Variants in NAALADL2 observed in about 807,000 individuals in gnomAD.
NAALADL2 encodes N-acetylated alpha-linked acidic dipeptidase like 2, also known as inactive N-acetylated-alpha-linked acidic dipeptidase-like protein 2.
Under a neutral mutation model 87.2 loss-of-function variants are expected in NAALADL2, and 76 were observed. The observed-to-expected ratio is 0.87, with a 90% CI of 0.72 to 1.05. The LOEUF is 1.05. Ranked by LOEUF, NAALADL2 falls within the 50% of genes least tolerant of loss-of-function variation. The pLI, the probability that NAALADL2 is intolerant of heterozygous loss-of-function variation, is 0.00. For synonymous variants in NAALADL2, 354 were observed against 331.0 expected (o/e 1.07, Z -0.75); for missense variants, 1,089 against 945.8 (o/e 1.15, Z -1.99).
At chr3:174,519,177 T>G (rs1369718165) in intron 1 of NAALADL2, among the ~76,000 whole-genome samples, 2 of 152,164 alleles carry the variant, frequency 1.3e-5, no homozygotes, top group African/African-American at 4.8e-5. Flanking sequence ...ATATACAGAT[T>G]TTATGTTCTT....
chr3:174,520,609 G>C (rs1220710557), intron 1 of NAALADL2, among the ~76,000 whole-genome samples: 4 of 152,064 alleles, frequency 2.6e-5, no homozygotes, highest in Non-Finnish European at 1.5e-5. Flanking sequence ...AATTATAGAA[G>C]AAAACCCAGG....
intron 11 of NAALADL2, among the ~76,000 whole-genome samples, chr3:175,691,356 A>G (rs1262678116): frequency 6.6e-6 from 1 of 151,326 alleles, no homozygotes; most frequent in Non-Finnish European, 1.5e-5. Context: ...TTTTGTAGTC[A>G]TAGCTTTTAT....
rs1723453067 is a variant in NAALADL2, at chr3:175,463,390, T to A, written c.1235-11T>A. ...AAAGAAGCAAAAGTCTTTAAATTTT[T>A]ATTTTTTCAGAAATAAGAGTCGTCA... On this transcript the variant is annotated splice_polypyrimidine_tract_variant and intron_variant, in intron 6 of 13. Coordinates refer to ENST00000454872, the MANE Select transcript of NAALADL2 (RefSeq NM_207015.3). 1 of 1,511,036 alleles carries A rather than the reference T, an allele frequency of 6.6e-7. No individual in the cohort carries two copies. Among genetic ancestry groups the A allele is most frequent in the African/African-American group, 1.4e-5 (1 of 71,246 alleles). 93.6% of individuals were successfully genotyped at this position (1,511,036 alleles called of 1,614,324 possible). A position where few individuals can be genotyped will look rare whatever the true frequency, so the allele number is the denominator to read the frequency against.
chr3:175,649,908 AG>A (rs917324970), intron 11 of NAALADL2, among the ~76,000 whole-genome samples: 13 of 152,094 alleles, frequency 8.5e-5, no homozygotes, highest in Admixed American at 3.9e-4. Context: ...TTAACTCTAA[AG>A]AAAAAAAGTT....
intron 5 of NAALADL2, among the ~76,000 whole-genome samples, chr3:175,429,556 T>C (rs1205034317): frequency 6.6e-6 from 1 of 151,970 alleles, no homozygotes; most frequent in Admixed American, 6.6e-5. Context: ...TTGAGTACAA[T>C]TCATTGGCAT....
chr3:174,641,877 C>G (rs1723225873), intron 2 of NAALADL2, among the ~76,000 whole-genome samples: 1 of 152,130 alleles, frequency 6.6e-6, no homozygotes, highest in Admixed American at 6.5e-5. Context: ...CCACCTCAGG[C>G]TCCTGAGGAG....
chr3:175,028,949 G>A (rs958403064), intron 1 of NAALADL2, among the ~76,000 whole-genome samples: 1 of 151,116 alleles, frequency 6.6e-6, no homozygotes, highest in Non-Finnish European at 1.5e-5. Flanking sequence ...GTATATTTTA[G>A]TAGTGTAAAC....
chr3:175,566,682 G>A (rs748798651), intron 9 of NAALADL2, among the ~76,000 whole-genome samples: 35 of 151,896 alleles, frequency 2.3e-4, no homozygotes, highest in Non-Finnish European at 3.2e-4. Context: ...TATAAAAGTC[G>A]CTTTATGTGT....
chr3:175,517,219 A>G (rs1731969412), intron 9 of NAALADL2, among the ~76,000 whole-genome samples: 1 of 152,130 alleles, frequency 6.6e-6, no homozygotes, highest in African/African-American at 2.4e-5. Context: ...TATCTGCTCC[A>G]ATTTATCAGT....
intron 1 of NAALADL2, among the ~76,000 whole-genome samples, chr3:175,067,405 A>C (rs1714722844): frequency 6.6e-6 from 1 of 152,102 alleles, no homozygotes; most frequent in Non-Finnish European, 1.5e-5. Flanking sequence ...CAAGCAAACA[A>C]CAACAACAGA....
intron 2 of NAALADL2, among the ~76,000 whole-genome samples, chr3:175,193,941 C>T (rs772951127): frequency 6.6e-5 from 10 of 151,866 alleles, no homozygotes; most frequent in South Asian, 2.1e-4. Flanking sequence ...TTTTAACAGA[C>T]GAAAATAGAT....
intron 9 of NAALADL2, 110 bp downstream of exon 9, chr3:175,471,868 A>G (rs1280563875): frequency 1.2e-5 from 11 of 929,022 alleles, no homozygotes; most frequent in Non-Finnish European, 1.6e-5. Flanking sequence ...CAAATGTTGT[A>G]TAAGTGTTTT....
chr3:174,984,808 A>C (rs1283142702), intron 1 of NAALADL2, among the ~76,000 whole-genome samples: 1 of 152,214 alleles, frequency 6.6e-6, no homozygotes, highest in East Asian at 1.9e-4. Context: ...TTCAAGAACC[A>C]AGTGAAGGCT....
At chr3:175,354,030 G>A (rs953718774) in intron 5 of NAALADL2, among the ~76,000 whole-genome samples, 1 of 152,084 alleles carries the variant, frequency 6.6e-6, no homozygotes, top group African/African-American at 2.4e-5. Flanking sequence ...ATAAACTTGT[G>A]TACCACTGCA....
At chr3:175,009,003 C>G (rs1381918814) in intron 1 of NAALADL2, among the ~76,000 whole-genome samples, 1 of 152,090 alleles carries the variant, frequency 6.6e-6, no homozygotes, top group Non-Finnish European at 1.5e-5. Flanking sequence ...TCATATTCAT[C>G]TAATATGTAA....
chr3:174,934,736 A>G (rs956774485), intron 1 of NAALADL2, among the ~76,000 whole-genome samples: 2 of 152,168 alleles, frequency 1.3e-5, no homozygotes, highest in African/African-American at 2.4e-5. Flanking sequence ...TGCTCAAACA[A>G]CAACAACAAC....
Position 175,500,406 on chromosome 3 carries a change from GA to G in NAALADL2, c.1653+28650del, listed in dbSNP as rs902232150. 4.6e-5 allele frequency among the ~76,000 whole-genome samples: 7 copies of G among 152,094 alleles called. 1 individual carries two copies. The highest frequency in any genetic ancestry group is 1.7e-4 in the African/African-American group (7 of 41,542). Reference sequence around the variant, plus strand: ...AATCAATAGTAGGCAAAAAGGCACAGAAGTAGAAACATGGATAAGGGCCTTC... The same window carrying G: ...AATCAATAGTAGGCAAAAAGGCACAGAGTAGAAACATGGATAAGGGCCTTC... On this transcript the variant is annotated intron_variant, in intron 9 of 13. Coordinates refer to ENST00000454872, the MANE Select transcript of NAALADL2 (RefSeq NM_207015.3).
chr3:174,552,462 A>G (rs570897078), intron 2 of NAALADL2, among the ~76,000 whole-genome samples: 18 of 152,316 alleles, frequency 1.2e-4, no homozygotes, highest in Non-Finnish European at 2.5e-4. Context: ...ATTGACAAAT[A>G]AATTCCTAGA....
At chr3:174,783,257 A>G (rs1716210587) in intron 3 of NAALADL2, among the ~76,000 whole-genome samples, 1 of 152,186 alleles carries the variant, frequency 6.6e-6, no homozygotes, top group African/African-American at 2.4e-5. Flanking sequence ...CTAGTGGGGT[A>G]GAGGTATTTA....
Sources: allele counts gnomAD v4.1 joint callset (sites outside exome capture counted in the v4.1 genomes callset), GRCh38; gene constraint gnomAD v4.1.1; transcripts MANE v1.5; gene names NCBI Gene and HGNC (gene_info 2026-07-23, HGNC 2026-07-21).